LIMK1: variants seen among roughly 807,000 people sequenced by gnomAD.
LIMK1 encodes LIM motif-containing protein kinase.
A neutral mutation model predicts 77.6 loss-of-function variants in LIMK1; 21 were observed. The observed-to-expected ratio is 0.27, with a 90% CI of 0.19 to 0.39. The LOEUF (loss-of-function observed/expected upper bound fraction) is 0.39. Ranked by LOEUF, LIMK1 falls within the 10% of genes least tolerant of loss-of-function variation. The pLI, the probability that LIMK1 is intolerant of heterozygous loss-of-function variation, is 1.00. For synonymous variants in LIMK1, 358 were observed against 370.0 expected, an observed-to-expected ratio of 0.97 and a Z score of 0.37; for missense variants, 696 against 901.6, an observed-to-expected ratio of 0.77 and a Z score of 2.92.
At chr7:74,102,484 C>CTCTTTTTTTTTTTTTTTTTTTTTTTTTTT (rs1554696729) in intron 5 of LIMK1, among the ~76,000 whole-genome samples, 3 of 54,042 alleles carry the variant, frequency 5.6e-5, no homozygotes, top group African/African-American at 5.8e-5. Context: ...AGGACCTTCT[C>CTCTTTTTTTTTTTTTTTTTTTTTTTTTTT]TTTTTTTTTT....
At chr7:74,118,793 G>A (rs998482412) in intron 13 of LIMK1, among the ~76,000 whole-genome samples, 5 of 152,150 alleles carry the variant, frequency 3.3e-5, no homozygotes, top group African/African-American at 1.2e-4. Flanking sequence ...TTAGGGATTA[G>A]TGTGAGGATT....
Position 74,105,938 on chromosome 7 carries a change from G to A in LIMK1, c.672G>A (p.Leu224=). Reference sequence around the variant, plus strand: ...CCATCCACGTCGGAGACCGGATCTTGGAAATCAATGGCACGCCCATCCGAA... The same window carrying A: ...CCATCCACGTCGGAGACCGGATCTTAGAAATCAATGGCACGCCCATCCGAA... ...KNSIHVGDRI[L]EINGTPIRNV... Residue 224 remains leucine (L), a synonymous_variant, in exon 6 of 16, where the codon TTG becomes TTA. Coordinates refer to ENST00000336180, the MANE Select transcript of LIMK1 (RefSeq NM_002314.4). The A allele has an allele frequency of 1.2e-6, 2 of 1,614,124 alleles. No homozygotes were observed. Among genetic ancestry groups the A allele is most frequent in the Non-Finnish European group, 1.7e-6 (2 of 1,180,038 alleles).
At chr7:74,118,642 C>G (rs1207390538) in intron 13 of LIMK1, among the ~76,000 whole-genome samples, 3 of 151,452 alleles carry the variant, frequency 2.0e-5, no homozygotes, top group Non-Finnish European at 4.4e-5. Flanking sequence ...CCCAGCTACT[C>G]AGGAGGCTGA....
intron 7 of LIMK1, 91 bp downstream of exon 7, chr7:74,106,334 C>T: frequency 7.0e-7 from 1 of 1,427,550 alleles, no homozygotes; most frequent in Non-Finnish European, 9.5e-7. Flanking sequence ...GCCAGCCCTG[C>T]ACAAATGCAG....
In LIMK1 at chr7:74,107,108, T is replaced by G; in HGVS notation, c.980T>G (p.Val327Gly). The change falls in exon 8 of 16, where the codon GTC (valine) becomes GGC (glycine). Residue 327 changes from valine (V) to glycine (G), a missense_variant. This residue lies in a region of LIMK1 where 438 missense variants were observed against 602.3 expected (regional missense o/e 0.73). Transcript: ENST00000336180. Reference sequence around the variant, plus strand: ...GGTCGCTCTGAGTCCCTCCGCGTAGTCTGCCGGCCACACCGCATCTTCCGG... The same window carrying G: ...GGTCGCTCTGAGTCCCTCCGCGTAGGCTGCCGGCCACACCGCATCTTCCGG... ...DLGRSESLRV[V>G]CRPHRIFRPS... 6.2e-7 allele frequency: 1 copy of G among 1,612,794 alleles called. No homozygotes were observed. The highest frequency in any genetic ancestry group is 8.5e-7 in the Non-Finnish European group (1 of 1,179,840).
At chr7:74,107,793 TGG>T in intron 8 of LIMK1, 76 bp from the exon 9 acceptor site, 1 of 1,108,292 alleles carries the variant, frequency 9.0e-7, no homozygotes, top group Non-Finnish European at 1.3e-6. Context: ...CTGGCAGTCC[TGG>T]GGTGGAGATG....
intron 10 of LIMK1, chr7:74,109,847 A>G (rs1392098918): frequency 2.0e-5 from 3 of 149,384 alleles, no homozygotes; most frequent in Non-Finnish European, 4.5e-5. Flanking sequence ...CCTTCTCAAA[A>G]AAAAAGCACT....
chr7:74,096,542 G>T (rs1799339294), intron 2 of LIMK1, 80 bp from the exon 3 acceptor site: 1 of 1,557,540 alleles, frequency 6.4e-7, no homozygotes, highest in Non-Finnish European at 8.8e-7. Flanking sequence ...TCTTACAAAG[G>T]TGCCTGTAGC....
At position 74,120,998 on chromosome 7, in the gene LIMK1, C is replaced by T. The variant is rs782345155; in HGVS notation, c.1730C>T (p.Pro577Leu). 12 of 1,610,898 alleles carry T rather than the reference C, an allele frequency of 7.4e-6. No individual in the cohort carries two copies. Among genetic ancestry groups the T allele is most frequent in the Middle Eastern group, 1.7e-4 (1 of 6,058 alleles). Residue 577 changes from proline (P) to leucine (L), a missense_variant, in exon 15 of 16, where the codon CCG (proline) becomes CTG (leucine). Physicochemically the swap from Pro to Leu is moderately conservative, Grantham distance 98 (BLOSUM62 -3). Transcript: ENST00000336180. Reference protein sequence around the residue: ...LDRYCPPNCPPSFFPITVRCC... With the variant: ...LDRYCPPNCPLSFFPITVRCC... ...CGCTACTGCCCCCCAAACTGCCCCC[C>T]GAGCTTCTTCCCCATCACCGTGCGC...
chr7:74,097,559 C>T (rs1799361565), intron 4 of LIMK1, among the ~76,000 whole-genome samples: 1 of 152,152 alleles, frequency 6.6e-6, no homozygotes, highest in Non-Finnish European at 1.5e-5. Context: ...GCCTGTAATC[C>T]CAGCTACTCA....
intron 2 of LIMK1, among the ~76,000 whole-genome samples, chr7:74,086,940 G>A (rs1184720708): frequency 6.6e-6 from 1 of 152,154 alleles, no homozygotes; most frequent in African/African-American, 2.4e-5. Flanking sequence ...ACACCCACAG[G>A]TAGGAAGAAA....
At chr7:74,120,445 C>T in intron 13 of LIMK1, 138 bp from the exon 14 acceptor site, 1 of 838,870 alleles carries the variant, frequency 1.2e-6, no homozygotes, top group Non-Finnish European at 2.0e-6. Context: ...CCTGGGTTCC[C>T]ATAGAGGTTG....
intron 13 of LIMK1, among the ~76,000 whole-genome samples, chr7:74,118,475 G>A (rs536330877): frequency 6.7e-6 from 1 of 148,736 alleles, no homozygotes; most frequent in Admixed American, 6.8e-5. Flanking sequence ...TTAGTGGCCG[G>A]GCGCAGTGGT....
intron 5 of LIMK1, among the ~76,000 whole-genome samples, chr7:74,104,733 C>T (rs1477433379): frequency 1.3e-5 from 2 of 152,180 alleles, no homozygotes; most frequent in African/African-American, 4.8e-5. Context: ...TTATAGGCAA[C>T]TGATCGAGGG....
rs782572272 is a variant in LIMK1, at chr7:74,097,127, G to T, written c.339G>T (p.Thr113=). Residue 113 remains threonine (T), a synonymous_variant, in exon 4 of 16, where the codon ACG becomes ACT. Transcript: ENST00000336180. ...ACCCCGAGTGTTTCATCTGCCTCACGTGTGGGACCTTTATCGGTGACGGGG... is the reference window on the plus strand; with the variant it reads ...ACCCCGAGTGTTTCATCTGCCTCACTTGTGGGACCTTTATCGGTGACGGGG... ...KYHPECFICL[T]CGTFIGDGDT... is the part of the protein sequence containing the mutation. 6.2e-7 allele frequency: 1 copy of T among 1,613,654 alleles called. No individual in the cohort carries two copies.
intron 8 of LIMK1, 32 bp from the exon 9 acceptor site, chr7:74,107,839 T>G (rs1554697897): frequency 9.1e-6 from 14 of 1,537,050 alleles, no homozygotes; most frequent in Middle Eastern, 1.7e-4. Context: ...CAGCAGAGCT[T>G]CTGTCTTCAC....
At chr7:74,105,513 CAAAAAA>C (rs201143839) in intron 5 of LIMK1, among the ~76,000 whole-genome samples, 2 of 93,664 alleles carry the variant, frequency 2.1e-5, no homozygotes, top group African/African-American at 6.6e-5. Context: ...ATTCTGTCTC[CAAAAAA>C]AAAAAAAAAA....
chr7:74,101,954 A>G (rs1554696644), intron 5 of LIMK1, among the ~76,000 whole-genome samples: 2 of 152,102 alleles, frequency 1.3e-5, no homozygotes, highest in African/African-American at 4.8e-5. Context: ...CCTCCTGAGT[A>G]GTGAGACTAC....
intron 7 of LIMK1, 103 bp downstream of exon 7, chr7:74,106,346 C>A: frequency 7.4e-7 from 1 of 1,359,336 alleles, no homozygotes; most frequent in Non-Finnish European, 1.0e-6. Flanking sequence ...CAAATGCAGC[C>A]CAGGCTTGAG....
Sources: allele counts gnomAD v4.1 joint callset (sites outside exome capture counted in the v4.1 genomes callset), GRCh38; gene constraint gnomAD v4.1.1; regional missense constraint gnomAD v4.1.1; transcripts MANE v1.5; gene names NCBI Gene and HGNC (gene_info 2026-07-23, HGNC 2026-07-21).